The following SHISA9 variants were observed in gnomAD, a reference collection of about 807,000 sequenced individuals.
The protein encoded by SHISA9 is protein shisa-9.
Under a neutral mutation model 38.0 loss-of-function variants are expected in SHISA9, and 13 were observed. The ratio of observed to expected loss-of-function variants is 0.34; its 90% confidence interval spans 0.22 to 0.54. The LOEUF (loss-of-function observed/expected upper bound fraction) is 0.54. Among genes scored for constraint, SHISA9 ranks in the 20% least tolerant of loss-of-function variants. The pLI is 0.91. For missense variants in SHISA9, 538 were observed against 575.8 expected (o/e 0.93, Z 0.67); for synonymous variants, 275 against 242.0 (o/e 1.14, Z -1.27).
chr16:13,189,551 T>C (rs1171459362), intron 2 of SHISA9, among the ~76,000 whole-genome samples: 4 of 152,214 alleles, frequency 2.6e-5, no homozygotes, highest in Admixed American at 6.5e-5. Flanking sequence ...TTTTACGTGG[T>C]TAATGTGCCT....
chr16:12,906,457 G>T (rs2071094711), intron 1 of SHISA9, among the ~76,000 whole-genome samples: 1 of 152,060 alleles, frequency 6.6e-6, no homozygotes, highest in African/African-American at 2.4e-5. Flanking sequence ...ATTCCAGGAA[G>T]CGGTGGGGGG....
chr16:13,184,775 C>T (rs1367443841), intron 2 of SHISA9, among the ~76,000 whole-genome samples: 2 of 152,202 alleles, frequency 1.3e-5, no homozygotes, highest in African/African-American at 4.8e-5. Flanking sequence ...ACAGTCCATT[C>T]ATTTTTAATT....
At chr16:13,537,319 T>A in the SHISA9 span, among the ~76,000 whole-genome samples, 1 of 151,400 alleles carries the variant, frequency 6.6e-6, no homozygotes, top group Non-Finnish European at 1.5e-5. Context: ...TCCCAGCTAC[T>A]CAGAAGGCTG....
chr16:13,242,389 G>A (rs552245441), downstream of SHISA9, among the ~76,000 whole-genome samples: 1 of 152,172 alleles, frequency 6.6e-6, no homozygotes, highest in Non-Finnish European at 1.5e-5. Flanking sequence ...CATTGCACTA[G>A]AGTGGCCCCT....
At chr16:12,994,334 C>G (rs2072429476) in intron 2 of SHISA9, among the ~76,000 whole-genome samples, 1 of 152,180 alleles carries the variant, frequency 6.6e-6, no homozygotes, top group South Asian at 2.1e-4. Context: ...TGTCATTGTT[C>G]AGTGACATTG....
chr16:13,144,185 G>C (rs144457401), intron 2 of SHISA9, among the ~76,000 whole-genome samples: 3 of 147,182 alleles, frequency 2.0e-5, no homozygotes, highest in Non-Finnish European at 4.5e-5. Context: ...ATGGAGTCTC[G>C]CTCTGTCATC....
chr16:12,950,259 C>T (rs528001831), intron 2 of SHISA9, among the ~76,000 whole-genome samples: 357 of 152,260 alleles, frequency 2.3e-3, no homozygotes, highest in African/African-American at 8.3e-3. Context: ...TTTTCTCTAT[C>T]CATTCTTTGG....
At chr16:12,954,804 TG>T (rs1208548943) in intron 2 of SHISA9, among the ~76,000 whole-genome samples, 4 of 152,340 alleles carry the variant, frequency 2.6e-5, no homozygotes, top group African/African-American at 7.2e-5. Context: ...GATTACAGCC[TG>T]GGGATCTGAA....
chr16:13,548,106 A>G, the SHISA9 span, among the ~76,000 whole-genome samples: 2 of 152,288 alleles, frequency 1.3e-5, no homozygotes, highest in African/African-American at 4.8e-5. Context: ...CCAAGAACAC[A>G]CATATGGGAA....
the SHISA9 span, among the ~76,000 whole-genome samples, chr16:13,268,772 G>A: frequency 2.6e-5 from 4 of 152,092 alleles, no homozygotes; most frequent in Admixed American, 6.6e-5. Flanking sequence ...AAATCAACAT[G>A]CATCCAGAAT....
chr16:12,920,582 A>G (rs1427352954), intron 2 of SHISA9, among the ~76,000 whole-genome samples: 2 of 152,180 alleles, frequency 1.3e-5, no homozygotes, highest in Non-Finnish European at 2.9e-5. Context: ...TTCACATTGC[A>G]TGCCTGTATG....
At chr16:13,268,502 T>G in the SHISA9 span, among the ~76,000 whole-genome samples, 3 of 150,424 alleles carry the variant, frequency 2.0e-5, no homozygotes. Flanking sequence ...AAAGCAAAAC[T>G]CGGTCTCAGA....
chr16:13,148,403 A>G (rs1292836702), intron 2 of SHISA9, among the ~76,000 whole-genome samples: 1 of 151,704 alleles, frequency 6.6e-6, no homozygotes, highest in Non-Finnish European at 1.5e-5. Context: ...CACCCACACA[A>G]TCCATATTTT....
the SHISA9 span, among the ~76,000 whole-genome samples, chr16:13,283,716 A>G: frequency 2.6e-5 from 4 of 151,644 alleles, no homozygotes; most frequent in African/African-American, 9.7e-5. Context: ...ACACAGCCAA[A>G]CCATATCATC....
At chr16:13,193,137 C>T (rs955148810) in intron 2 of SHISA9, among the ~76,000 whole-genome samples, 1 of 152,092 alleles carries the variant, frequency 6.6e-6, no homozygotes, top group African/African-American at 2.4e-5. Flanking sequence ...TCTTCTTGAT[C>T]CATTCTGGGG....
chr16:13,462,683 C>T, the SHISA9 span, among the ~76,000 whole-genome samples: 2 of 152,006 alleles, frequency 1.3e-5, no homozygotes, highest in Non-Finnish European at 2.9e-5. Flanking sequence ...AAAAGTTGGG[C>T]AGGCACAGTG....
chr16:13,422,421 C>T, the SHISA9 span, among the ~76,000 whole-genome samples: 2 of 152,092 alleles, frequency 1.3e-5, no homozygotes, highest in Non-Finnish European at 2.9e-5. Flanking sequence ...TTAGGCTGGG[C>T]GTGGTGGCTC....
chr16:13,025,398 G>A (rs1464395135), intron 2 of SHISA9, among the ~76,000 whole-genome samples: 2 of 152,224 alleles, frequency 1.3e-5, no homozygotes, highest in African/African-American at 4.8e-5. Flanking sequence ...TGATTCCGAT[G>A]ATGCTTAGGT....
At position 13,211,165 on chromosome 16, in the gene SHISA9, T is replaced by C. The variant is rs552506620; in HGVS notation, c.848-2088T>C. Reference sequence around the variant, plus strand: ...TACAAAAATTAGCCAGGTGTGGTGCTGCTCGCCTATAACCTCACCTACTTG... The same window carrying C: ...TACAAAAATTAGCCAGGTGTGGTGCCGCTCGCCTATAACCTCACCTACTTG... On this transcript the variant is annotated intron_variant, in intron 3 of 4. Transcript: ENST00000558583. 1.3e-3 allele frequency among the ~76,000 whole-genome samples: 198 copies of C among 152,112 alleles called. 1 individual carries two copies. Among genetic ancestry groups the C allele is most frequent in the African/African-American group, 4.6e-3 (191 of 41,500 alleles).
Sources: allele counts gnomAD v4.1 joint callset (sites outside exome capture counted in the v4.1 genomes callset), GRCh38; gene constraint gnomAD v4.1.1; transcripts MANE v1.5; gene names NCBI Gene and HGNC (gene_info 2026-07-23, HGNC 2026-07-21).